ADD3: variants seen among roughly 807,000 people sequenced by gnomAD.
ADD3 encodes adducin 3, also known as gamma-adducin.
In ADD3, 25 loss-of-function variants were observed where a neutral mutation model predicts 80.2. The observed-to-expected ratio is 0.31, with a 90% confidence interval of 0.23 to 0.44. The LOEUF is 0.44. Among genes scored for constraint, ADD3 ranks in the 20% least tolerant of loss-of-function variants. The pLI is 1.00. For missense variants in ADD3, 829 were observed against 847.5 expected (o/e 0.98, Z 0.27); for synonymous variants, 284 against 289.6 (o/e 0.98, Z 0.20).
At chr10:110,089,129 G>A (rs1412621151) in intron 1 of ADD3, among the ~76,000 whole-genome samples, 1 of 152,062 alleles carries the variant, frequency 6.6e-6, no homozygotes, top group African/African-American at 2.4e-5. Context: ...TGGGTATGCA[G>A]TAAAGTATGA....
At chr10:110,082,005 T>A (rs1846112499) in intron 1 of ADD3, among the ~76,000 whole-genome samples, 1 of 152,226 alleles carries the variant, frequency 6.6e-6, no homozygotes, top group African/African-American at 2.4e-5. Flanking sequence ...AGGGGAAGTC[T>A]CATTACCCTG....
intron 1 of ADD3, among the ~76,000 whole-genome samples, chr10:110,098,470 A>G (rs1302563755): frequency 2.0e-5 from 3 of 152,206 alleles, no homozygotes; most frequent in Non-Finnish European, 4.4e-5. Flanking sequence ...ATCTTTCTGC[A>G]GTGCTGACAT....
At chr10:110,090,116 A>T (rs1847293886) in intron 1 of ADD3, among the ~76,000 whole-genome samples, 1 of 149,986 alleles carries the variant, frequency 6.7e-6, no homozygotes, top group South Asian at 2.1e-4. Flanking sequence ...GTCGTTAGTG[A>T]CACAGAGGTT....
At chr10:110,079,461 AGTGT>A (rs1164637976) in intron 1 of ADD3, among the ~76,000 whole-genome samples, 1,966 of 97,258 alleles carry the variant, frequency 0.02, 17 homozygotes, top group South Asian at 0.042. Context: ...AGAGAGAGAG[AGTGT>A]GTGTGTGTGT....
rs1011727995 is a variant in ADD3, at chr10:110,086,187, G to A, written c.-29-14438G>A. On this transcript the variant is annotated intron_variant, in intron 1 of 14. Coordinates refer to ENST00000356080, the MANE Select transcript of ADD3 (RefSeq NM_016824.5). ...AGCACTTTGGGAGGCCGAGGTGGGC[G>A]GATCATGAGGTCAGGAGGTCAAGAC... is the stretch of plus-strand genomic sequence containing the variant. 5.9e-5 allele frequency among the ~76,000 whole-genome samples: 9 copies of A among 152,076 alleles called. No individual in the cohort carries two copies. In the Middle Eastern group the frequency reaches 0.01, roughly 172 times the overall value.
intron 1 of ADD3, among the ~76,000 whole-genome samples, chr10:110,064,247 T>C (rs1384158927): frequency 6.6e-6 from 1 of 152,216 alleles, no homozygotes; most frequent in Non-Finnish European, 1.5e-5. Flanking sequence ...GCAGCTCTTT[T>C]GAGTGTATTT....
intron 1 of ADD3, among the ~76,000 whole-genome samples, chr10:110,073,318 A>G (rs1845003702): frequency 6.6e-6 from 1 of 150,770 alleles, no homozygotes; most frequent in South Asian, 2.1e-4. Context: ...AATTTTTTGT[A>G]TTTTTAATAG....
chr10:110,105,537 A>G (rs566292967), intron 2 of ADD3, among the ~76,000 whole-genome samples: 1 of 152,342 alleles, frequency 6.6e-6, no homozygotes, highest in South Asian at 2.1e-4. Flanking sequence ...TGACTGCTTA[A>G]CAAAACAGTT....
chr10:110,052,438 TA>T (rs1224110105), intron 1 of ADD3, among the ~76,000 whole-genome samples: 2 of 152,206 alleles, frequency 1.3e-5, no homozygotes, highest in African/African-American at 4.8e-5. Flanking sequence ...TAGATTCTCA[TA>T]GGGGCCCGAA....
intron 1 of ADD3, among the ~76,000 whole-genome samples, chr10:110,085,554 G>GTT (rs1229568761): frequency 3.9e-5 from 6 of 152,158 alleles, no homozygotes; most frequent in Non-Finnish European, 7.3e-5. Context: ...GTGGTAATTG[G>GTT]TAGAAGTCCA....
intron 1 of ADD3, chr10:109,996,576 C>T (rs953499826): frequency 8.5e-5 from 13 of 152,092 alleles, no homozygotes; most frequent in African/African-American, 3.1e-4. Context: ...TCTTTTTCCC[C>T]TGGGGCCAGA....
chr10:110,009,925 G>A (rs1316814703), intron 1 of ADD3, among the ~76,000 whole-genome samples: 2 of 152,184 alleles, frequency 1.3e-5, no homozygotes, highest in Non-Finnish European at 2.9e-5. Context: ...GTGAACATTT[G>A]ACATAGTTGA....
intron 1 of ADD3, among the ~76,000 whole-genome samples, chr10:110,083,170 G>C (rs752774307): frequency 6.6e-6 from 1 of 152,174 alleles, no homozygotes; most frequent in African/African-American, 2.4e-5. Flanking sequence ...GAACACTAAG[G>C]TTGCGGGGAG....
Position 110,135,094 on chromosome 10 carries a change from A to G in ADD3, c.*1476A>G, listed in dbSNP as rs984792021. On this transcript the variant is annotated 3_prime_UTR_variant, in exon 15 of 15. Coordinates refer to ENST00000356080, the MANE Select transcript of ADD3 (RefSeq NM_016824.5). ...GGTGAGTTGGCATGCAAAAAATTAC[A>G]TTGATTACAGTGTGTTTTGGAGCTG... The G allele has an allele frequency of 2.0e-5, 3 of 152,238 alleles. No individual in the cohort carries two copies. Among genetic ancestry groups the G allele is most frequent in the African/African-American group, 7.2e-5 (3 of 41,440 alleles). 9.4% of individuals were successfully genotyped at this position (152,238 alleles called of 1,614,324 possible).
chr10:110,019,762 A>C (rs1644784426), intron 1 of ADD3, among the ~76,000 whole-genome samples: 1 of 152,200 alleles, frequency 6.6e-6, no homozygotes, highest in Admixed American at 6.5e-5. Flanking sequence ...TGAATTCACC[A>C]GTTTGTAGGT....
chr10:110,036,224 A>G (rs1855625707), intron 1 of ADD3, among the ~76,000 whole-genome samples: 1 of 151,930 alleles, frequency 6.6e-6, no homozygotes, highest in Non-Finnish European at 1.5e-5. Flanking sequence ...CTTTTCCTAT[A>G]TTGGTTTCAT....
chr10:110,118,046 ACACACACACACAC>A (rs1850993413), intron 5 of ADD3, among the ~76,000 whole-genome samples: 2 of 150,926 alleles, frequency 1.3e-5, no homozygotes, highest in Admixed American at 1.3e-4. Context: ...ACACACACAC[ACACACACACACAC>A]ACACACACAC....
At chr10:110,068,867 A>G (rs528244173) in intron 1 of ADD3, among the ~76,000 whole-genome samples, 5 of 152,176 alleles carry the variant, frequency 3.3e-5, no homozygotes, top group African/African-American at 9.6e-5. Context: ...ACTTGAGCGC[A>G]GGAGTTTGAG....
intron 1 of ADD3, among the ~76,000 whole-genome samples, chr10:110,092,106 G>A (rs1427440513): frequency 1.3e-5 from 2 of 152,174 alleles, no homozygotes; most frequent in Non-Finnish European, 1.5e-5. Context: ...GCGAGGTTGT[G>A]GAGAAAACGG....
Sources: gnomAD v4.1 joint callset for allele counts (sites outside exome capture counted in the v4.1 genomes callset) on GRCh38, gnomAD v4.1.1 for gene constraint, MANE v1.5 for transcripts, NCBI Gene and HGNC (gene_info 2026-07-23, HGNC 2026-07-21) for gene names.